NEDD9: variants seen among roughly 807,000 people sequenced by gnomAD.
NEDD9 encodes the protein enhancer of filamentation 1.
NEDD9 carries 26 observed loss-of-function variants against 76.6 expected under a neutral mutation model. That is an observed-to-expected ratio of 0.34 (90% CI 0.25 to 0.47). NEDD9 has a LOEUF of 0.47. Among genes scored for constraint, NEDD9 ranks in the 20% least tolerant of loss-of-function variants. The probability of loss-of-function intolerance (pLI) is 1.00; values close to 1 mark genes in which losing one functional copy is unlikely to be tolerated. For synonymous variants in NEDD9, 392 were observed against 414.2 expected (o/e 0.95, Z 0.65); for missense variants, 937 against 1,058.5 (o/e 0.89, Z 1.59).
rs1188103682 is a variant in NEDD9 at position 11,241,522 on chromosome 6, TC to T, written c.13-27796del. The stretch of plus-strand genomic sequence containing the variant: ...GATGGGCTGGATTTTCTGTTTCCAA[TC>T]TACTTCCGAGCTTTGCCATTCTCCA... On this transcript the variant is annotated intron_variant, in intron 3 of 3. Transcript: ENST00000397378. This position sits in a 1 kb window ranked among gnomAD's most constrained non-coding sequence, Gnocchi z 4.0. 1.1e-4 allele frequency among the ~76,000 whole-genome samples: 16 copies of T among 152,252 alleles called. No homozygotes were observed. Among genetic ancestry groups the T allele is most frequent in the African/African-American group, 3.6e-4 (15 of 41,540 alleles).
At chr6:11,211,018 T>G (rs533327625) in intron 2 of NEDD9, among the ~76,000 whole-genome samples, 1 of 152,290 alleles carries the variant, frequency 6.6e-6, no homozygotes, top group Admixed American at 6.5e-5. Flanking sequence ...GTGTGATGCT[T>G]TAGGCACGGC....
chr6:11,203,387 G>A (rs1462602646), intron 2 of NEDD9, among the ~76,000 whole-genome samples: 2 of 152,228 alleles, frequency 1.3e-5, no homozygotes, highest in African/African-American at 2.4e-5. Flanking sequence ...GATGCCCACA[G>A]ACTGCCCTAA....
At chr6:11,332,076 A>G (rs1762050237) in intron 2 of NEDD9, among the ~76,000 whole-genome samples, 1 of 152,234 alleles carries the variant, frequency 6.6e-6, no homozygotes, top group Non-Finnish European at 1.5e-5. Context: ...TTAGGATGAA[A>G]GATGTAAGAT....
At chr6:11,319,213 C>T (rs1489316969) in intron 2 of NEDD9, among the ~76,000 whole-genome samples, 1 of 152,256 alleles carries the variant, frequency 6.6e-6, no homozygotes, top group Non-Finnish European at 1.5e-5. Context: ...TGACCAAGCT[C>T]TGCTGTTCAC....
intron 1 of NEDD9, among the ~76,000 whole-genome samples, chr6:11,232,197 G>A (rs1450222038): frequency 1.3e-5 from 2 of 152,208 alleles, no homozygotes; most frequent in South Asian, 2.1e-4. Flanking sequence ...CGCGATTCAA[G>A]TCAGACACCC....
At chr6:11,218,301 CT>C (rs1313049818) in intron 1 of NEDD9, among the ~76,000 whole-genome samples, 1 of 151,992 alleles carries the variant, frequency 6.6e-6, no homozygotes, top group Non-Finnish European at 1.5e-5. Flanking sequence ...ATCTGGGGCC[CT>C]GCTTTCCACC....
chr6:11,187,514 C>T (rs929481197), intron 6 of NEDD9, among the ~76,000 whole-genome samples: 35 of 151,466 alleles, frequency 2.3e-4, no homozygotes, highest in Admixed American at 6.6e-4. Flanking sequence ...GTGTTGCTGG[C>T]GAAAGAGAGA....
intron 2 of NEDD9, among the ~76,000 whole-genome samples, chr6:11,333,189 A>G (rs1044903434): frequency 6.6e-6 from 1 of 152,202 alleles, no homozygotes; most frequent in Non-Finnish European, 1.5e-5. Flanking sequence ...CAAAGAAGAA[A>G]GTGAAATATA....
intron 3 of NEDD9, among the ~76,000 whole-genome samples, chr6:11,276,126 T>A (rs904502596): frequency 6.6e-6 from 1 of 152,198 alleles, no homozygotes; most frequent in African/African-American, 2.4e-5. Flanking sequence ...GAGACATCTT[T>A]CAGTTGTGCA....
chr6:11,358,525 G>A (rs961405276), intron 1 of NEDD9, among the ~76,000 whole-genome samples: 5 of 152,148 alleles, frequency 3.3e-5, no homozygotes, highest in African/African-American at 9.7e-5. Flanking sequence ...AAAACGGAGC[G>A]TTTAAAAAGT....
intron 3 of NEDD9, among the ~76,000 whole-genome samples, chr6:11,246,280 G>A (rs2113298395): frequency 6.6e-6 from 1 of 152,324 alleles, no homozygotes; most frequent in East Asian, 1.9e-4. Flanking sequence ...CAGCCGGGAA[G>A]AGGCACAACT....
intron 1 of NEDD9, among the ~76,000 whole-genome samples, chr6:11,358,141 C>G (rs371450010): frequency 6.7e-6 from 1 of 148,744 alleles, no homozygotes; most frequent in African/African-American, 2.5e-5. Flanking sequence ...CCCAGCTACT[C>G]GGGAGGCTGA....
Position 11,213,164 on chromosome 6 carries a change from G to T in NEDD9, c.459+117C>A. On this transcript the variant is annotated intron_variant, in intron 2 of 6. Transcript: ENST00000379446. This position sits in a 1 kb window ranked among gnomAD's most constrained non-coding sequence, Gnocchi z 5.4. ...ACATGATGCCTGAGCTAAGGTATTG[G>T]TTATATCTACTTCTTGGCAGCTTCA... The T allele has an allele frequency of 1.0e-6, 1 of 956,018 alleles. No individual in the cohort carries two copies. The highest frequency in any genetic ancestry group is 1.5e-6 in the Non-Finnish European group (1 of 647,684). The allele number at this position is 956,018 out of a possible 1,614,324, so 59.2% of individuals were successfully genotyped here.
At chr6:11,360,474 G>A (rs1175191746) in intron 1 of NEDD9, among the ~76,000 whole-genome samples, 2 of 152,196 alleles carry the variant, frequency 1.3e-5, no homozygotes, top group Admixed American at 1.3e-4. Context: ...CAATGTTGCA[G>A]GTGGGGCCTG....
chr6:11,240,486 A>G (rs937479277), intron 3 of NEDD9, among the ~76,000 whole-genome samples: 2 of 152,188 alleles, frequency 1.3e-5, no homozygotes, highest in Non-Finnish European at 2.9e-5. Flanking sequence ...CATGAAATAG[A>G]ACACGTAAAA....
intron 2 of NEDD9, among the ~76,000 whole-genome samples, chr6:11,211,203 G>A (rs1462610842): frequency 6.6e-6 from 1 of 152,176 alleles, no homozygotes; most frequent in Non-Finnish European, 1.5e-5. Context: ...GGTCACCCCA[G>A]CACCCCAGCC....
intron 1 of NEDD9, among the ~76,000 whole-genome samples, chr6:11,341,497 C>T (rs1301907094): frequency 1.3e-5 from 2 of 152,204 alleles, no homozygotes; most frequent in Non-Finnish European, 2.9e-5. Flanking sequence ...CCATCAGAGG[C>T]TTGCCAGATG....
chr6:11,363,523 C>T (rs1332908593), intron 1 of NEDD9, among the ~76,000 whole-genome samples: 2 of 152,060 alleles, frequency 1.3e-5, no homozygotes, highest in Admixed American at 6.6e-5. Flanking sequence ...AAGTACCAGA[C>T]CATAAATGCA....
At chr6:11,243,646 T>C (rs1371817593) in intron 3 of NEDD9, among the ~76,000 whole-genome samples, 1 of 152,256 alleles carries the variant, frequency 6.6e-6, no homozygotes, top group African/African-American at 2.4e-5. Context: ...TCCAAAGCAG[T>C]GGGCTCTTCT....
Sources: gnomAD v4.1 joint callset for allele counts (sites outside exome capture counted in the v4.1 genomes callset) on GRCh38, gnomAD v4.1.1 for gene constraint, Gnocchi (gnomAD v3.1) non-coding constraint, MANE v1.5 for transcripts, NCBI Gene and HGNC (gene_info 2026-07-23, HGNC 2026-07-21) for gene names.